Variants in MIPOL1 observed in about 807,000 individuals in gnomAD.
MIPOL1 encodes the protein mirror-image polydactyly 1.
MIPOL1 carries 57 observed loss-of-function variants against 60.9 expected under a neutral mutation model. The ratio of observed to expected loss-of-function variants is 0.94; its 90% CI spans 0.76 to 1.17. The LOEUF (loss-of-function observed/expected upper bound fraction) is 1.17. Among genes scored for constraint, MIPOL1 ranks in the 50% most tolerant of loss-of-function variants. The pLI is 0.00. For missense variants in MIPOL1, 551 were observed against 511.6 expected (o/e 1.08, Z -0.74); for synonymous variants, 179 against 168.8 (o/e 1.06, Z -0.47).
At chr14:37,320,474 G>A (rs1056990233) in intron 9 of MIPOL1, among the ~76,000 whole-genome samples, 2 of 151,646 alleles carry the variant, frequency 1.3e-5, no homozygotes, top group Admixed American at 1.3e-4. Context: ...TCTCTTCGAG[G>A]CTATTGTCCA....
intron 12 of MIPOL1, chr14:37,503,968 A>T (rs1417141977): frequency 3.9e-5 from 6 of 152,210 alleles, no homozygotes; most frequent in Non-Finnish European, 8.8e-5. Flanking sequence ...AGTCTCTGAT[A>T]AAACAGACTT....
At chr14:37,291,904 A>G (rs1206038096) in intron 7 of MIPOL1, among the ~76,000 whole-genome samples, 1 of 149,984 alleles carries the variant, frequency 6.7e-6, no homozygotes, top group Non-Finnish European at 1.5e-5. Flanking sequence ...TACATATTAC[A>G]ATGGCAATAA....
chr14:37,469,961 G>A (rs2094658794), intron 11 of MIPOL1, among the ~76,000 whole-genome samples: 1 of 152,158 alleles, frequency 6.6e-6, no homozygotes, highest in Non-Finnish European at 1.5e-5. Flanking sequence ...CTAAGATGGG[G>A]ATGGAAAGAA....
rs369130380 is a variant in MIPOL1, at chr14:37,308,532, A to G, written c.828+13A>G. 23 of 1,531,400 alleles carry G rather than the reference A, an allele frequency of 1.5e-5. No individual in the cohort carries two copies. The highest frequency in any genetic ancestry group is 3.5e-4 in the Middle Eastern group (2 of 5,688). The allele number at this position is 1,531,400 out of a possible 1,614,324, so 94.9% of individuals were successfully genotyped here. ...TGCCTTGTCTAAGGTAACTCTGCAT[A>G]TATCTGTAAAAGCATATACTTACCA... On this transcript the variant is annotated intron_variant, in intron 9 of 12. Transcript: ENST00000684589.
At chr14:37,337,327 C>CATATATATATATATATATATATATAT (rs545154376) in intron 9 of MIPOL1, among the ~76,000 whole-genome samples, 1 of 30,912 alleles carries the variant, frequency 3.2e-5, no homozygotes, top group African/African-American at 1.6e-4. Context: ...CATTTGTAAA[C>CATATATATATATATATATATATATAT]ATATATATAT....
chr14:37,411,619 T>C (rs908246292), intron 10 of MIPOL1, among the ~76,000 whole-genome samples: 1 of 152,160 alleles, frequency 6.6e-6, no homozygotes, highest in African/African-American at 2.4e-5. Context: ...AAATAAAATT[T>C]TATTGGAACA....
chr14:37,394,069 T>TGCC (rs1566510986), intron 10 of MIPOL1, among the ~76,000 whole-genome samples: 2 of 133,866 alleles, frequency 1.5e-5, no homozygotes, highest in Non-Finnish European at 3.2e-5. Flanking sequence ...TATATATATA[T>TGCC]ATATATATAT....
At chr14:37,316,002 A>G (rs116410200) in intron 9 of MIPOL1, among the ~76,000 whole-genome samples, 1 of 147,890 alleles carries the variant, frequency 6.8e-6, no homozygotes, top group African/African-American at 2.5e-5. Flanking sequence ...CAAGAGGGGA[A>G]ATTGTTTCTG....
At chr14:37,536,823 A>C (rs1189083287) in intron 12 of MIPOL1, among the ~76,000 whole-genome samples, 1 of 152,208 alleles carries the variant, frequency 6.6e-6, no homozygotes, top group Non-Finnish European at 1.5e-5. Context: ...AATGTGGCCC[A>C]AAATCATTTT....
intron 9 of MIPOL1, among the ~76,000 whole-genome samples, chr14:37,309,733 C>A (rs1042897259): frequency 2.7e-5 from 4 of 150,736 alleles, no homozygotes; most frequent in Non-Finnish European, 5.9e-5. Context: ...GTCACCCAGG[C>A]TGGAGTGCAG....
intron 11 of MIPOL1, among the ~76,000 whole-genome samples, chr14:37,452,336 G>A (rs2094432783): frequency 6.6e-6 from 1 of 152,154 alleles, no homozygotes; most frequent in South Asian, 2.1e-4. Flanking sequence ...AGTTCTGTGA[G>A]TATGAACAAC....
intron 11 of MIPOL1, among the ~76,000 whole-genome samples, chr14:37,474,066 T>C (rs2094729251): frequency 6.6e-6 from 1 of 152,178 alleles, no homozygotes; most frequent in African/African-American, 2.4e-5. Flanking sequence ...AATATGCATT[T>C]TAAGTTCCTC....
chr14:37,388,648 A>C (rs187668659), intron 10 of MIPOL1, among the ~76,000 whole-genome samples: 7 of 151,772 alleles, frequency 4.6e-5, no homozygotes, highest in Admixed American at 4.6e-4. Context: ...CTGCCTCCCA[A>C]CCTCTATCCC....
rs538237000 is a variant in MIPOL1 at position 37,429,057 on chromosome 14, T to C, written c.1031+6108T>C. On this transcript the variant is annotated intron_variant, in intron 11 of 12. Coordinates refer to ENST00000684589, the MANE Select transcript of MIPOL1 (RefSeq NM_001388067.1). The stretch of plus-strand genomic sequence containing the variant: ...ATTGCTATAGCAAATGCTAAATCCA[T>C]TTGCAACACTTTCATTAATCTAAAT... Among the ~76,000 whole-genome samples the C allele has an allele frequency of 3.3e-5, 5 of 152,322 alleles. No homozygotes were observed. In the East Asian group the frequency reaches 9.6e-4, roughly 29 times the overall value.
chr14:37,255,380 T>C (rs1974765104), intron 3 of MIPOL1, among the ~76,000 whole-genome samples: 1 of 151,818 alleles, frequency 6.6e-6, no homozygotes, highest in African/African-American at 2.4e-5. Flanking sequence ...GTAGGACTAA[T>C]GTGACTTCCT....
intron 11 of MIPOL1, among the ~76,000 whole-genome samples, chr14:37,447,067 A>G (rs918036285): frequency 2.0e-5 from 3 of 151,924 alleles, no homozygotes; most frequent in African/African-American, 7.2e-5. Flanking sequence ...TAAAACTTAA[A>G]GTATAATAAT....
At chr14:37,408,521 C>G (rs2093630050) in intron 10 of MIPOL1, among the ~76,000 whole-genome samples, 1 of 151,894 alleles carries the variant, frequency 6.6e-6, no homozygotes, top group African/African-American at 2.4e-5. Flanking sequence ...TCCCGGCTAC[C>G]CAGGAGGCTG....
intron 1 of MIPOL1, among the ~76,000 whole-genome samples, chr14:37,242,513 A>G (rs1594691011): frequency 3.9e-5 from 6 of 152,238 alleles, no homozygotes; most frequent in Admixed American, 3.9e-4. Flanking sequence ...CACATAGTAT[A>G]TATAGATCTC....
intron 9 of MIPOL1, among the ~76,000 whole-genome samples, chr14:37,357,404 C>T (rs2091922810): frequency 6.6e-6 from 1 of 151,688 alleles, no homozygotes; most frequent in Non-Finnish European, 1.5e-5. Flanking sequence ...TTTCCACATG[C>T]TCACCAGCAT....
Sources: allele counts gnomAD v4.1 joint callset (sites outside exome capture counted in the v4.1 genomes callset), GRCh38; gene constraint gnomAD v4.1.1; transcripts MANE v1.5; gene names NCBI Gene and HGNC (gene_info 2026-07-23, HGNC 2026-07-21).